NBEA: variants seen among roughly 807,000 people sequenced by gnomAD.
NBEA encodes lysosomal-trafficking regulator 2.
Under a neutral mutation model 343.4 loss-of-function variants are expected in NBEA, and 44 were observed. The observed-to-expected ratio is 0.13, with a 90% confidence interval of 0.10 to 0.16. The LOEUF (loss-of-function observed/expected upper bound fraction) is 0.16. Among genes scored for constraint, NBEA ranks in the 10% least tolerant of loss-of-function variants. NBEA has a pLI of 1.00. For missense variants in NBEA, 2,555 were observed against 3,631.3 expected (o/e 0.70, Z 7.62); for synonymous variants, 1,175 against 1,238.7 (o/e 0.95, Z 1.08).
intron 1 of NBEA, among the ~76,000 whole-genome samples, chr13:34,979,135 T>C (rs558035131): frequency 6.6e-6 from 1 of 152,348 alleles, no homozygotes; most frequent in African/African-American, 2.4e-5. Flanking sequence ...TTAGACATTC[T>C]GATGGCTGTG....
At chr13:35,494,738 G>C (rs1421335370) in intron 41 of NBEA, among the ~76,000 whole-genome samples, 1 of 151,942 alleles carries the variant, frequency 6.6e-6, no homozygotes, top group Non-Finnish European at 1.5e-5. Context: ...ATCAGAGACA[G>C]GTGCAGTGGC....
chr13:35,290,875 G>C (rs1483213831), intron 35 of NBEA, among the ~76,000 whole-genome samples: 1 of 151,482 alleles, frequency 6.6e-6, no homozygotes. Flanking sequence ...GCTTATTAAT[G>C]AATGGTCTTT....
At chr13:34,995,944 C>T (rs989469701) in intron 1 of NBEA, among the ~76,000 whole-genome samples, 2 of 152,210 alleles carry the variant, frequency 1.3e-5, no homozygotes, top group African/African-American at 4.8e-5. Context: ...TTTAGATATT[C>T]TGCTGGGCTT....
chr13:35,028,241 T>A (rs1365162436), intron 1 of NBEA, among the ~76,000 whole-genome samples: 4 of 151,934 alleles, frequency 2.6e-5, no homozygotes, highest in Non-Finnish European at 5.9e-5. Context: ...TGCATTAAAC[T>A]TATATGTTAA....
intron 45 of NBEA, among the ~76,000 whole-genome samples, chr13:35,570,504 C>T (rs191990000): frequency 1.3e-5 from 2 of 152,322 alleles, no homozygotes; most frequent in East Asian, 3.9e-4. Context: ...TGTAGTTTTG[C>T]AAGCATGTAG....
chr13:34,986,807 T>G (rs1271067434), intron 1 of NBEA, among the ~76,000 whole-genome samples: 1 of 150,894 alleles, frequency 6.6e-6, no homozygotes, highest in Non-Finnish European at 1.5e-5. Context: ...TGGTTTAATG[T>G]CTGTTTTATC....
At chr13:34,953,380 A>G (rs925571132) in intron 1 of NBEA, among the ~76,000 whole-genome samples, 2 of 152,208 alleles carry the variant, frequency 1.3e-5, no homozygotes, top group Admixed American at 6.5e-5. Flanking sequence ...ATGAGTTATC[A>G]GTACAAGAAT....
intron 41 of NBEA, among the ~76,000 whole-genome samples, chr13:35,509,618 C>T (rs1443253180): frequency 6.6e-6 from 1 of 152,132 alleles, no homozygotes; most frequent in Non-Finnish European, 1.5e-5. Context: ...TAGGCAGCAA[C>T]CTTTGCTGTG....
chr13:35,533,916 T>A (rs1594903119), intron 41 of NBEA, among the ~76,000 whole-genome samples: 3 of 152,196 alleles, frequency 2.0e-5, no homozygotes, highest in Admixed American at 6.5e-5. Context: ...CCTCTATATA[T>A]GGAGAAAATA....
In NBEA at chr13:35,050,452, C is replaced by T. The variant is rs560775223; in HGVS notation, c.972+57C>T. 68 of 1,523,658 alleles carry T rather than the reference C, an allele frequency of 4.5e-5. No homozygotes were observed. In the East Asian group the frequency reaches 1.5e-3, roughly 34 times the overall value. The allele number at this position is 1,523,658 out of a possible 1,614,324, so 94.4% of individuals were successfully genotyped here. A position where few individuals can be genotyped will look rare whatever the true frequency, so the allele number is the denominator to read the frequency against. ...CTGTTATGACAGAATTCTTAACTCTCCTTTTATGAGCTCTGTAGTATTCTC... is the reference window on the plus strand; with the variant it reads ...CTGTTATGACAGAATTCTTAACTCTTCTTTTATGAGCTCTGTAGTATTCTC... On this transcript the variant is annotated intron_variant, in intron 6 of 58. Transcript: ENST00000379939.
chr13:35,278,533 A>G (rs1364037397), intron 34 of NBEA, among the ~76,000 whole-genome samples: 5 of 152,212 alleles, frequency 3.3e-5, no homozygotes, highest in Admixed American at 3.3e-4. Flanking sequence ...TGTCATCTTT[A>G]TGCTACCGCC....
rs1457257031 is a variant in NBEA, at chr13:35,110,947, T to C, written c.1971T>C (p.Ala657=). 1.9e-6 allele frequency: 3 copies of C among 1,611,448 alleles called. No individual in the cohort carries two copies. The Admixed American group carries it at 5.0e-5, about 27-fold the overall frequency. The change falls in exon 13 of 59, where the codon GCT becomes GCC. Residue 657 remains alanine (A), a synonymous_variant. Transcript: ENST00000379939. ...ATTACTACTGGGTTATTAATCCTGC[T>C]GACAGTAGTGGCATTACACCTAAAG... ...LKYYYWVINP[A]DSSGITPKGL...
chr13:35,310,518 T>C (rs2037290048), intron 36 of NBEA, among the ~76,000 whole-genome samples: 1 of 152,362 alleles, frequency 6.6e-6, no homozygotes, highest in Non-Finnish European at 1.5e-5. Context: ...GTATATTCTA[T>C]TATTAAAACA....
intron 37 of NBEA, among the ~76,000 whole-genome samples, chr13:35,349,622 A>G (rs1295944627): frequency 1.3e-5 from 2 of 152,126 alleles, no homozygotes; most frequent in East Asian, 1.9e-4. Context: ...TTTCTGTTTT[A>G]TACATAACAG....
intron 34 of NBEA, among the ~76,000 whole-genome samples, chr13:35,256,310 A>G (rs2152793654): frequency 6.6e-6 from 1 of 152,322 alleles, no homozygotes; most frequent in East Asian, 1.9e-4. Flanking sequence ...TGCAGCTGGT[A>G]GTCATGATGT....
chr13:35,142,136 G>A, intron 17 of NBEA, 133 bp from the exon 18 acceptor site: 1 of 497,422 alleles, frequency 2.0e-6, no homozygotes, highest in East Asian at 3.0e-5. Context: ...TGTTTCTATA[G>A]ATGGAAGTTC....
chr13:35,352,149 C>T lies in NBEA; in HGVS notation c.6013-8C>T, dbSNP rs754080929. On this transcript the variant is annotated splice_polypyrimidine_tract_variant and splice_region_variant and intron_variant, in intron 37 of 58. Transcript: ENST00000379939. ...TTATTATTATGCATCATTTGTATTT[C>T]TTTATAGTCACAGTGTGCCCAATAT... 1.1e-5 allele frequency: 15 copies of T among 1,418,022 alleles called. No homozygotes were observed. Among genetic ancestry groups the T allele is most frequent in the Non-Finnish European group, 4.7e-6 (5 of 1,070,958 alleles). 87.8% of individuals were successfully genotyped at this position (1,418,022 alleles called of 1,614,324 possible). A position where few individuals can be genotyped will look rare whatever the true frequency, so the allele number is the denominator to read the frequency against.
intron 47 of NBEA, among the ~76,000 whole-genome samples, chr13:35,600,096 G>A (rs1359912): frequency 0.65 from 98,605 of 151,802 alleles, 33,234 homozygotes; most frequent in East Asian, 0.86. Flanking sequence ...AATCATAAAT[G>A]GGTTTTTAAG....
chr13:35,420,451 A>G (rs1478737728), intron 38 of NBEA, among the ~76,000 whole-genome samples: 1 of 151,916 alleles, frequency 6.6e-6, no homozygotes, highest in Non-Finnish European at 1.5e-5. Context: ...TTGTCTATAT[A>G]AAGGATGGAT....
Sources: gnomAD v4.1 joint callset for allele counts (sites outside exome capture counted in the v4.1 genomes callset) on GRCh38, gnomAD v4.1.1 for gene constraint, MANE v1.5 for transcripts, NCBI Gene and HGNC (gene_info 2026-07-23, HGNC 2026-07-21) for gene names.